Variants in SLC26A7 observed in about 807,000 individuals in gnomAD.
SLC26A7 encodes the protein anion exchange transporter.
In SLC26A7, 59 loss-of-function variants were observed where a neutral mutation model predicts 82.5. The ratio of observed to expected loss-of-function variants is 0.72; its 90% CI spans 0.58 to 0.89. SLC26A7 has a LOEUF of 0.89. SLC26A7 is among the 40% of genes least tolerant of loss of function. The pLI is 0.00. For missense variants in SLC26A7, 820 were observed against 793.0 expected, an observed-to-expected ratio of 1.03 and a Z score of -0.41; for synonymous variants, 271 against 274.3, an observed-to-expected ratio of 0.99 and a Z score of 0.12.
chr8:91,212,013 C>G (rs556601720), intron 1 of SLC26A7, among the ~76,000 whole-genome samples: 1 of 152,240 alleles, frequency 6.6e-6, no homozygotes, highest in South Asian at 2.1e-4. Flanking sequence ...AAATATCAAT[C>G]TTGATCATAA....
chr8:91,291,179 C>T (rs754489690), intron 3 of SLC26A7, among the ~76,000 whole-genome samples: 1 of 152,034 alleles, frequency 6.6e-6, no homozygotes, highest in Admixed American at 6.5e-5. Flanking sequence ...CTAGCATAAG[C>T]CTTTTAAATA....
chr8:91,334,306 T>C lies in SLC26A7; in HGVS notation c.654T>C (p.Tyr218=). 1 of 1,610,428 alleles carries C rather than the reference T, an allele frequency of 6.2e-7. No homozygotes were observed. Among genetic ancestry groups the C allele is most frequent in the Non-Finnish European group, 8.5e-7 (1 of 1,178,448 alleles). The change falls in exon 6 of 19, where the codon TAT becomes TAC. Residue 218 remains tyrosine (Y), a synonymous_variant. Coordinates refer to ENST00000276609, the MANE Select transcript of SLC26A7 (RefSeq NM_052832.4). ...TCTCATTACTGTAGATTTATGCATA[T>C]GTTTTTGAAAACATCAAGTCTGTGC... ...GPLGFFYIYA[Y]VFENIKSVRL...
chr8:91,218,768 A>G, intron 1 of SLC26A7: 1 of 606,834 alleles, frequency 1.6e-6, no homozygotes, highest in South Asian at 2.4e-5. Context: ...AATCAAGCAT[A>G]AATAGAATAG....
chr8:91,373,611 C>G (rs939367232), intron 15 of SLC26A7, among the ~76,000 whole-genome samples: 44 of 151,914 alleles, frequency 2.9e-4, no homozygotes, highest in Non-Finnish European at 5.9e-4. Flanking sequence ...TGATGTGCTG[C>G]TGCATTCACT....
In SLC26A7 at chr8:91,396,141, G is replaced by A. The variant is rs150393778; in HGVS notation, c.*1044G>A. ...CCAACAGGATAATTGACAAATAAAC[G>A]CCATAGGCTAGGCTGAACTGTATGT... is the stretch of plus-strand genomic sequence containing the variant. On this transcript the variant is annotated 3_prime_UTR_variant, in exon 19 of 19. Transcript: ENST00000276609. 13 of 151,892 alleles carry A rather than the reference G, an allele frequency of 8.6e-5. No homozygotes were observed. In the East Asian group the frequency reaches 1.9e-3, roughly 23 times the overall value. The allele number at this position is 151,892 out of a possible 1,614,324, so 9.4% of individuals were successfully genotyped here.
chr8:91,377,945 G>T (rs1814563345), intron 15 of SLC26A7, among the ~76,000 whole-genome samples: 1 of 151,876 alleles, frequency 6.6e-6, no homozygotes, highest in Non-Finnish European at 1.5e-5. Context: ...AAGAGAACTG[G>T]TATCTGATGT....
Position 91,329,891 on chromosome 8 carries a change from T to C in SLC26A7, c.643-4404T>C, listed in dbSNP as rs563650250. On this transcript the variant is annotated intron_variant, in intron 5 of 18. Transcript: ENST00000276609. ...TTTTGGATTTTTATCCTGGGATTGA[T>C]TGAGTAGTGGGCAACTTTAAGCAAT... is the stretch of plus-strand genomic sequence containing the variant. 3.3e-5 allele frequency among the ~76,000 whole-genome samples: 5 copies of C among 152,230 alleles called. No homozygotes were observed. The East Asian group carries it at 5.8e-4, about 18-fold the overall frequency.
intron 9 of SLC26A7, among the ~76,000 whole-genome samples, chr8:91,349,550 A>C (rs1433653107): frequency 6.6e-6 from 1 of 152,176 alleles, no homozygotes; most frequent in East Asian, 1.9e-4. Flanking sequence ...TAAATTTGGG[A>C]ACCTTAAAAT....
intron 2 of SLC26A7, 115 bp downstream of exon 2, chr8:91,249,959 G>T: frequency 1.3e-6 from 1 of 760,756 alleles, no homozygotes; most frequent in South Asian, 4.1e-5. Context: ...GATATTAGCT[G>T]TGGGGAAACA....
intron 5 of SLC26A7, among the ~76,000 whole-genome samples, chr8:91,321,186 A>G (rs1465215647): frequency 1.3e-5 from 2 of 152,138 alleles, no homozygotes; most frequent in African/African-American, 4.8e-5. Flanking sequence ...TAATATTTCC[A>G]TCTCTTTGGT....
chr8:91,223,812 A>G (rs552817367), intron 2 of SLC26A7, among the ~76,000 whole-genome samples: 3 of 152,124 alleles, frequency 2.0e-5, no homozygotes, highest in Admixed American at 1.3e-4. Context: ...CTGGTACTCC[A>G]ATCAATCGTA....
intron 2 of SLC26A7, among the ~76,000 whole-genome samples, chr8:91,238,672 G>C (rs907045998): frequency 2.0e-5 from 3 of 151,668 alleles, no homozygotes; most frequent in Non-Finnish European, 4.4e-5. Context: ...TTGGTCCTTG[G>C]TTTTAAAGAC....
chr8:91,309,265 T>C (rs989433189), intron 4 of SLC26A7, among the ~76,000 whole-genome samples: 13 of 151,296 alleles, frequency 8.6e-5, no homozygotes, highest in African/African-American at 3.1e-4. Context: ...AATTATATTA[T>C]GTATAATTTA....
intron 4 of SLC26A7, among the ~76,000 whole-genome samples, chr8:91,305,001 C>A (rs1053109541): frequency 6.6e-6 from 1 of 152,170 alleles, no homozygotes; most frequent in African/African-American, 2.4e-5. Flanking sequence ...TCTTACTGTT[C>A]CTGTAAGACA....
At chr8:91,212,420 G>T (rs1171276269) in intron 1 of SLC26A7, among the ~76,000 whole-genome samples, 1 of 152,102 alleles carries the variant, frequency 6.6e-6, no homozygotes, top group Non-Finnish European at 1.5e-5. Context: ...TGTATTAAAT[G>T]ATGTAATGTA....
intron 2 of SLC26A7, among the ~76,000 whole-genome samples, chr8:91,250,906 A>G (rs1333086649): frequency 6.6e-6 from 1 of 152,118 alleles, no homozygotes; most frequent in Non-Finnish European, 1.5e-5. Flanking sequence ...TTTAATGACC[A>G]TTTTGCCAAT....
intron 4 of SLC26A7, among the ~76,000 whole-genome samples, chr8:91,309,051 G>T (rs1007617987): frequency 2.0e-5 from 3 of 151,998 alleles, no homozygotes; most frequent in African/African-American, 7.3e-5. Flanking sequence ...TGCTACTGGG[G>T]TGTTATTGCT....
intron 6 of SLC26A7, among the ~76,000 whole-genome samples, chr8:91,336,293 C>A (rs1423742763): frequency 6.6e-6 from 1 of 152,176 alleles, no homozygotes; most frequent in Non-Finnish European, 1.5e-5. Context: ...TGGACTGGTA[C>A]CAGTTCATGG....
At chr8:91,232,230 C>T (rs1048675865) in intron 2 of SLC26A7, among the ~76,000 whole-genome samples, 2 of 152,154 alleles carry the variant, frequency 1.3e-5, no homozygotes, top group African/African-American at 4.8e-5. Context: ...TATTTCTAAT[C>T]AAATACATTT....
Sources: allele counts gnomAD v4.1 joint callset (sites outside exome capture counted in the v4.1 genomes callset), GRCh38; gene constraint gnomAD v4.1.1; transcripts MANE v1.5; gene names NCBI Gene and HGNC (gene_info 2026-07-23, HGNC 2026-07-21).